The following MGAT4C variants were observed in gnomAD, a reference collection of about 807,000 sequenced individuals.
MGAT4C encodes MGAT4 family member C.
MGAT4C carries 19 observed loss-of-function variants against 40.1 expected under a neutral mutation model. That is an observed-to-expected ratio of 0.47 (90% CI 0.33 to 0.70). The LOEUF (loss-of-function observed/expected upper bound fraction) is 0.70. Ranked by LOEUF, MGAT4C falls within the 30% of genes least tolerant of loss-of-function variation. The pLI is 0.02. For missense variants in MGAT4C, 491 were observed against 563.2 expected (o/e 0.87, Z 1.30); for synonymous variants, 181 against 187.1 (o/e 0.97, Z 0.27).
intron 1 of MGAT4C, among the ~76,000 whole-genome samples, chr12:86,056,770 A>G (rs1277962051): frequency 6.6e-6 from 1 of 152,084 alleles, no homozygotes; most frequent in Non-Finnish European, 1.5e-5. Flanking sequence ...CGCTGGATCA[A>G]ATGGTATTTC....
intron 1 of MGAT4C, among the ~76,000 whole-genome samples, chr12:86,799,009 C>T (rs1464319166): frequency 6.6e-6 from 1 of 151,808 alleles, no homozygotes; most frequent in African/African-American, 2.4e-5. Flanking sequence ...TGCCTTCTAG[C>T]ATCTGGCCAC....
intron 4 of MGAT4C, among the ~76,000 whole-genome samples, chr12:86,275,658 T>C (rs1466447985): frequency 6.6e-6 from 1 of 151,976 alleles, no homozygotes; most frequent in Non-Finnish European, 1.5e-5. Context: ...GATTTGAGGA[T>C]TAAAGCGGAG....
chr12:86,014,290 C>A (rs1434307428), intron 2 of MGAT4C, among the ~76,000 whole-genome samples: 3 of 152,146 alleles, frequency 2.0e-5, no homozygotes, highest in Non-Finnish European at 2.9e-5. Context: ...GAAGCATCAA[C>A]CCCTAAACCG....
Position 86,290,527 on chromosome 12 carries a change from T to A in MGAT4C, c.-57+43538A>T, listed in dbSNP as rs920520086. ...GACAAAACAAAATTGAAACACATAT[T>A]ATTAACTTAGTAGGGGGTGACAGAT... On this transcript the variant is annotated intron_variant, in intron 4 of 7. Transcript: ENST00000548651. Among the ~76,000 whole-genome samples the A allele has an allele frequency of 3.3e-5, 5 of 152,220 alleles. No individual in the cohort carries two copies. The East Asian group carries it at 9.7e-4, about 29-fold the overall frequency.
At chr12:86,499,745 A>C (rs1007118310) in intron 2 of MGAT4C, among the ~76,000 whole-genome samples, 1 of 151,956 alleles carries the variant, frequency 6.6e-6, no homozygotes, top group African/African-American at 2.4e-5. Context: ...AGAAATTAGA[A>C]TTTCTGAATT....
chr12:86,073,503 C>T (rs1165655301), intron 1 of MGAT4C, among the ~76,000 whole-genome samples: 1 of 152,122 alleles, frequency 6.6e-6, no homozygotes, highest in Non-Finnish European at 1.5e-5. Context: ...AAGTTTGGAG[C>T]TTCCTGGAGA....
chr12:86,341,858 C>T (rs557726976), intron 3 of MGAT4C, among the ~76,000 whole-genome samples: 1 of 152,244 alleles, frequency 6.6e-6, no homozygotes, highest in East Asian at 1.9e-4. Flanking sequence ...ATCTGAATTG[C>T]CCTAGGACGG....
intron 1 of MGAT4C, among the ~76,000 whole-genome samples, chr12:86,197,715 T>C (rs1301737728): frequency 1.3e-5 from 2 of 152,176 alleles, no homozygotes; most frequent in Non-Finnish European, 2.9e-5. Flanking sequence ...GATACGTAGA[T>C]ATATAGAGAG....
chr12:86,195,108 C>A (rs946576307), intron 1 of MGAT4C, among the ~76,000 whole-genome samples: 1 of 152,134 alleles, frequency 6.6e-6, no homozygotes, highest in African/African-American at 2.4e-5. Flanking sequence ...CTTATTTTCA[C>A]TTTTCTTATC....
intron 2 of MGAT4C, among the ~76,000 whole-genome samples, chr12:86,047,091 C>T (rs976311027): frequency 6.6e-5 from 10 of 152,134 alleles, no homozygotes; most frequent in Non-Finnish European, 1.0e-4. Flanking sequence ...AAACAAAGCC[C>T]TTTGGAGTCC....
intron 1 of MGAT4C, among the ~76,000 whole-genome samples, chr12:86,069,426 G>A (rs996169815): frequency 1.3e-5 from 2 of 152,118 alleles, no homozygotes; most frequent in Non-Finnish European, 2.9e-5. Flanking sequence ...TAAAATATAT[G>A]TGTGAGTTTT....
intron 2 of MGAT4C, among the ~76,000 whole-genome samples, chr12:86,626,733 C>T (rs1433052359): frequency 1.3e-5 from 2 of 152,144 alleles, no homozygotes; most frequent in African/African-American, 4.8e-5. Context: ...TTCCCTAAAA[C>T]ATTGGAAATT....
chr12:86,199,527 G>T (rs1949958104), intron 1 of MGAT4C, among the ~76,000 whole-genome samples: 1 of 151,938 alleles, frequency 6.6e-6, no homozygotes, highest in Non-Finnish European at 1.5e-5. Flanking sequence ...AATATTTAAT[G>T]TGTGTGTTTT....
chr12:86,256,303 A>G lies in MGAT4C; in HGVS notation c.-121T>C, dbSNP rs998022827. 1 of 152,224 alleles carries G rather than the reference A, an allele frequency of 6.6e-6. No individual in the cohort carries two copies. Among genetic ancestry groups the G allele is most frequent in the Non-Finnish European group, 1.5e-5 (1 of 68,042 alleles). The allele number at this position is 152,224 out of a possible 1,614,324, so 9.4% of individuals were successfully genotyped here. Reference sequence around the variant, plus strand: ...GTGCTCTGTGCAGCCTGGAAGCATGAGTGATCCTTGGGCCTCACACAAAAG... The same window carrying G: ...GTGCTCTGTGCAGCCTGGAAGCATGGGTGATCCTTGGGCCTCACACAAAAG... On this transcript the variant is annotated 5_prime_UTR_variant, in exon 1 of 5. Coordinates refer to ENST00000611864, the MANE Select transcript of MGAT4C (RefSeq NM_001351288.2).
chr12:86,490,914 A>C (rs2136322821), intron 2 of MGAT4C, among the ~76,000 whole-genome samples: 1 of 152,306 alleles, frequency 6.6e-6, no homozygotes, highest in Non-Finnish European at 1.5e-5. Flanking sequence ...TTCATAAAGC[A>C]AGTCCTGAGT....
rs181949061 is a variant in MGAT4C at position 86,640,800 on chromosome 12, G to A, written c.-229+86409C>T. ...TGTGTCCCAGAGATTCTGGTATGTT[G>A]TGTCTTTGTTCTCGTTGGTTTCAAA... is the stretch of plus-strand genomic sequence containing the variant. On this transcript the variant is annotated intron_variant, in intron 2 of 7. Transcript: ENST00000548651. 3.6e-3 allele frequency among the ~76,000 whole-genome samples: 551 copies of A among 151,816 alleles called. 2 individuals are homozygous for A. Among genetic ancestry groups the A allele is most frequent in the African/African-American group, 0.012 (494 of 41,462 alleles).
intron 2 of MGAT4C, among the ~76,000 whole-genome samples, chr12:86,708,909 T>C (rs1291297793): frequency 6.6e-6 from 1 of 152,182 alleles, no homozygotes; most frequent in Non-Finnish European, 1.5e-5. Flanking sequence ...CAGAAGGGAC[T>C]TGCCTTATCT....
At chr12:86,730,932 A>G (rs960496147) in intron 1 of MGAT4C, among the ~76,000 whole-genome samples, 1 of 152,102 alleles carries the variant, frequency 6.6e-6, no homozygotes, top group East Asian at 1.9e-4. Context: ...CAGCACTTCT[A>G]TGAAGCAGCT....
At chr12:86,693,831 C>A (rs191949880) in intron 2 of MGAT4C, among the ~76,000 whole-genome samples, 1 of 152,178 alleles carries the variant, frequency 6.6e-6, no homozygotes, top group East Asian at 1.9e-4. Flanking sequence ...TGCCTCATGT[C>A]TAGCATACAA....
Sources: gnomAD v4.1 joint callset for allele counts (sites outside exome capture counted in the v4.1 genomes callset) on GRCh38, gnomAD v4.1.1 for gene constraint, MANE v1.5 for transcripts, NCBI Gene and HGNC (gene_info 2026-07-23, HGNC 2026-07-21) for gene names.